Variants in DENND6A observed in about 807,000 individuals in gnomAD.
The protein encoded by DENND6A is protein DENND6A.
Under a neutral mutation model 95.5 loss-of-function variants are expected in DENND6A, and 43 were observed. The ratio of observed to expected loss-of-function variants is 0.45; its 90% CI spans 0.35 to 0.58. The LOEUF (loss-of-function observed/expected upper bound fraction) is 0.58, where lower values mean the gene tolerates loss of function less well. DENND6A is among the 20% of genes least tolerant of loss of function. DENND6A has a pLI of 0.00. For missense variants in DENND6A, 574 were observed against 736.0 expected (o/e 0.78, Z 2.55); for synonymous variants, 257 against 260.4 (o/e 0.99, Z 0.13).
Position 57,658,880 on chromosome 3 carries a change from C to T in DENND6A, c.762+238G>A, listed in dbSNP as rs552015229. Among the ~76,000 whole-genome samples, 11 of 152,232 alleles carry T rather than the reference C, an allele frequency of 7.2e-5. No individual in the cohort carries two copies. The South Asian group carries it at 2.1e-3, about 29-fold the overall frequency. On this transcript the variant is annotated intron_variant, in intron 8 of 19. Coordinates refer to ENST00000311128, the MANE Select transcript of DENND6A (RefSeq NM_152678.3). ...GAAAAAAATTCACTTTCCCCTTTTC[C>T]TCACAATTAAAATATAAATTCTGAG...
At chr3:57,674,588 A>G (rs1450804381) in intron 1 of DENND6A, among the ~76,000 whole-genome samples, 1 of 152,172 alleles carries the variant, frequency 6.6e-6, no homozygotes, top group Non-Finnish European at 1.5e-5. Context: ...AGTGGGCCCA[A>G]GATCGTGCCA....
chr3:57,640,316 G>A (rs1304553980), intron 12 of DENND6A, among the ~76,000 whole-genome samples: 2 of 150,128 alleles, frequency 1.3e-5, no homozygotes, highest in Admixed American at 1.3e-4. Context: ...GTAGTGGCAG[G>A]GAGTGGTGGC....
intron 3 of DENND6A, among the ~76,000 whole-genome samples, chr3:57,671,985 A>C (rs1172528735): frequency 1.3e-5 from 2 of 152,186 alleles, no homozygotes; most frequent in Non-Finnish European, 2.9e-5. Context: ...ACGAATCCCA[A>C]ATATACCAAT....
chr3:57,693,059 C>A lies in DENND6A; in HGVS notation c.-41G>T. 2 of 1,348,138 alleles carry A rather than the reference C, an allele frequency of 1.5e-6. No homozygotes were observed. Among genetic ancestry groups the A allele is most frequent in the Non-Finnish European group, 1.9e-6 (2 of 1,054,894 alleles). The allele number at this position is 1,348,138 out of a possible 1,614,324, so 83.5% of individuals were successfully genotyped here. ...CGTTCGCGCCGCCTCCACAGCGGAC[C>A]GCGCCGCAGAGCGCGCTTGCCTCCG... On this transcript the variant is annotated 5_prime_UTR_variant, in exon 1 of 20. Coordinates refer to ENST00000311128, the MANE Select transcript of DENND6A (RefSeq NM_152678.3).
chr3:57,646,440 T>C lies in DENND6A; in HGVS notation c.819-2A>G. On this transcript the variant is annotated splice_acceptor_variant, in intron 9 of 19. Transcript: ENST00000311128. LOFTEE classifies it high-confidence loss of function. ...TGAAGGAAAACTGGGCAGAAACACCTGAAAGGTGATGCACAGTAGAAATAC... is the reference window on the plus strand; with the variant it reads ...TGAAGGAAAACTGGGCAGAAACACCCGAAAGGTGATGCACAGTAGAAATAC... 6.2e-7 allele frequency: 1 copy of C among 1,611,038 alleles called. No homozygotes were observed. The highest frequency in any genetic ancestry group is 8.5e-7 in the Non-Finnish European group (1 of 1,179,068).
At position 57,628,357 on chromosome 3, in the gene DENND6A, A is replaced by G. The variant is rs1285377379; in HGVS notation, c.1696-12T>C. ...CGATCAGCCTGCAACTACATAAGGA[A>G]CATTTCATAACATTTAAATTATCCT... On this transcript the variant is annotated splice_polypyrimidine_tract_variant and intron_variant, in intron 19 of 19. Coordinates refer to ENST00000311128, the MANE Select transcript of DENND6A (RefSeq NM_152678.3). The G allele has an allele frequency of 6.2e-7, 1 of 1,610,214 alleles. No homozygotes were observed. Among genetic ancestry groups the G allele is most frequent in the Non-Finnish European group, 8.5e-7 (1 of 1,178,736 alleles).
At chr3:57,687,010 G>C (rs1575873187) in intron 1 of DENND6A, among the ~76,000 whole-genome samples, 2 of 152,276 alleles carry the variant, frequency 1.3e-5, no homozygotes, top group South Asian at 4.1e-4. Flanking sequence ...TGAATGCAAA[G>C]GAAAAGTTCT....
At chr3:57,652,198 C>T (rs1022437340) in intron 9 of DENND6A, among the ~76,000 whole-genome samples, 1 of 152,166 alleles carries the variant, frequency 6.6e-6, no homozygotes, top group African/African-American at 2.4e-5. Context: ...TGACAATGTA[C>T]AACTTTGAAG....
chr3:57,661,334 C>T lies in DENND6A; in HGVS notation c.619+112G>A, dbSNP rs192485325. 4.9e-6 allele frequency: 4 copies of T among 813,844 alleles called. No homozygotes were observed. The East Asian group carries it at 1.3e-4, about 26-fold the overall frequency. 50.4% of individuals were successfully genotyped at this position (813,844 alleles called of 1,614,324 possible). On this transcript the variant is annotated intron_variant, in intron 6 of 19. Coordinates refer to ENST00000311128, the MANE Select transcript of DENND6A (RefSeq NM_152678.3). Reference sequence around the variant, plus strand: ...TTATACCTTTCTCCTATCATATATTCCTTAAGTTCCTACCTGAATTTTTAT... The same window carrying T: ...TTATACCTTTCTCCTATCATATATTTCTTAAGTTCCTACCTGAATTTTTAT...
intron 18 of DENND6A, among the ~76,000 whole-genome samples, chr3:57,629,678 A>ATT (rs1208541846): frequency 2.2e-4 from 30 of 136,490 alleles, no homozygotes; most frequent in African/African-American, 7.6e-4. Flanking sequence ...CGCCCGGCTA[A>ATT]TTTTTTTTTT....
At chr3:57,639,289 T>C (rs1007363550) in intron 12 of DENND6A, among the ~76,000 whole-genome samples, 2 of 152,176 alleles carry the variant, frequency 1.3e-5, no homozygotes, top group African/African-American at 4.8e-5. Flanking sequence ...TGTTAAGAAA[T>C]AGGAACCCTC....
At chr3:57,628,979 GAAGGA>G (rs2070596658) in intron 18 of DENND6A, 94 bp from the exon 19 acceptor site, 2 of 1,078,872 alleles carry the variant, frequency 1.9e-6, no homozygotes, top group Non-Finnish European at 2.7e-6. Context: ...GGAAAGACAA[GAAGGA>G]AAAGGAGAAC....
At chr3:57,663,968 CA>C (rs369134633) in intron 4 of DENND6A, among the ~76,000 whole-genome samples, 1 of 152,060 alleles carries the variant, frequency 6.6e-6, no homozygotes, top group East Asian at 1.9e-4. Flanking sequence ...AAAATTAAAA[CA>C]AAAAAACCCT....
Position 57,692,092 on chromosome 3 carries a change from T to C in DENND6A, c.237+690A>G, listed in dbSNP as rs187879700. The stretch of plus-strand genomic sequence containing the variant: ...TTAAAAATACAAAATTAGCCGGGCA[T>C]GGTCGCATGCCTGTAACCCCAGCTA... On this transcript the variant is annotated intron_variant, in intron 1 of 19. Coordinates refer to ENST00000311128, the MANE Select transcript of DENND6A (RefSeq NM_152678.3). Among the ~76,000 whole-genome samples the C allele has an allele frequency of 7.8e-4, 119 of 151,822 alleles. 1 individual carries two copies. Among genetic ancestry groups the C allele is most frequent in the African/African-American group, 2.4e-3 (99 of 41,418 alleles).
intron 1 of DENND6A, among the ~76,000 whole-genome samples, chr3:57,675,818 GCTT>G (rs1469148136): frequency 1.3e-5 from 2 of 152,194 alleles, no homozygotes; most frequent in African/African-American, 4.8e-5. Flanking sequence ...CACACTCAGT[GCTT>G]GACTAGTCAA....
At chr3:57,672,219 TA>T in intron 3 of DENND6A, 36 bp downstream of exon 3, 1 of 1,559,374 alleles carries the variant, frequency 6.4e-7, no homozygotes, top group Non-Finnish European at 8.7e-7. Flanking sequence ...ATTCTTAGTA[TA>T]AAATTAAACA....
intron 9 of DENND6A, among the ~76,000 whole-genome samples, chr3:57,653,446 T>C (rs552639181): frequency 6.6e-6 from 1 of 152,252 alleles, no homozygotes; most frequent in African/African-American, 2.4e-5. Context: ...TCTCTCGAAC[T>C]AAAAAATATT....
chr3:57,649,141 A>C lies in DENND6A; in HGVS notation c.819-2703T>G, dbSNP rs547336089. ...AAAGGACAAATATCCAGAATCTATA[A>C]GGAACTTAAATCAGCAAGAACAAAA... On this transcript the variant is annotated intron_variant, in intron 9 of 19. Transcript: ENST00000311128. Among the ~76,000 whole-genome samples the C allele has an allele frequency of 3.9e-5, 6 of 152,362 alleles. No homozygotes were observed. The South Asian group carries it at 1.2e-3, about 32-fold the overall frequency.
intron 14 of DENND6A, among the ~76,000 whole-genome samples, chr3:57,634,208 G>GT (rs772437214): frequency 6.6e-6 from 1 of 151,968 alleles, no homozygotes; most frequent in Non-Finnish European, 1.5e-5. Context: ...CGAGGTGGGC[G>GT]TATCACTTAA....
Sources: gnomAD v4.1 joint callset for allele counts (sites outside exome capture counted in the v4.1 genomes callset) on GRCh38, gnomAD v4.1.1 for gene constraint, MANE v1.5 for transcripts, NCBI Gene and HGNC (gene_info 2026-07-23, HGNC 2026-07-21) for gene names.